SERGEF: variants seen among roughly 807,000 people sequenced by gnomAD.
The protein encoded by SERGEF is secretion regulating guanine nucleotide exchange factor, also known as secretion-regulating guanine nucleotide exchange factor.
A neutral mutation model predicts 50.0 loss-of-function variants in SERGEF; 51 were observed. That is an observed-to-expected ratio of 1.02 (90% CI 0.81 to 1.29). The LOEUF is 1.29. SERGEF is among the 50% of genes most tolerant of loss of function. The pLI is 0.00. For synonymous variants in SERGEF, 205 were observed against 212.4 expected, an observed-to-expected ratio of 0.97 and a Z score of 0.30; for missense variants, 521 against 557.0, an observed-to-expected ratio of 0.94 and a Z score of 0.65.
chr11:17,993,745 G>T (rs1055450820), intron 6 of SERGEF, among the ~76,000 whole-genome samples: 10 of 152,174 alleles, frequency 6.6e-5, no homozygotes, highest in African/African-American at 2.4e-4. Flanking sequence ...GGACAAAGCA[G>T]ATGTTTTCAC....
intron 9 of SERGEF, among the ~76,000 whole-genome samples, chr11:17,940,532 C>T (rs1852542293): frequency 1.3e-5 from 2 of 152,126 alleles, no homozygotes; most frequent in African/African-American, 4.8e-5. Context: ...TGTCAGTTTC[C>T]CATGCTCTGC....
At chr11:17,866,131 C>A (rs756028276) in intron 10 of SERGEF, among the ~76,000 whole-genome samples, 12 of 152,232 alleles carry the variant, frequency 7.9e-5, no homozygotes, top group African/African-American at 1.2e-4. Flanking sequence ...GCTCAAGCAA[C>A]CACTTGAGAA....
chr11:17,834,156 G>A (rs572990736), intron 10 of SERGEF, among the ~76,000 whole-genome samples: 44 of 152,244 alleles, frequency 2.9e-4, no homozygotes, highest in Non-Finnish European at 4.6e-4. Flanking sequence ...AATCAGGGGG[G>A]CAAGTCTTTC....
At chr11:17,995,657 C>A (rs1023532555) in intron 6 of SERGEF, 139 bp downstream of exon 6, 9 of 641,584 alleles carry the variant, frequency 1.4e-5, no homozygotes, top group Non-Finnish European at 1.9e-5. Context: ...GCCAGCAAGA[C>A]TAACAGACCA....
At position 17,931,760 on chromosome 11, in the gene SERGEF, A is replaced by G. The variant is rs151197763; in HGVS notation, c.1011+27710T>C. Among the ~76,000 whole-genome samples the G allele has an allele frequency of 1.1e-4, 16 of 152,324 alleles. No individual in the cohort carries two copies. The East Asian group carries it at 3.1e-3, about 29-fold the overall frequency. ...GCTGTGGTTCTCAAAGCATAGTCCCAGACCTTAAGTATCAACACCACCTGG... is the reference window on the plus strand; with the variant it reads ...GCTGTGGTTCTCAAAGCATAGTCCCGGACCTTAAGTATCAACACCACCTGG... On this transcript the variant is annotated intron_variant, in intron 9 of 10. Coordinates refer to ENST00000265965, the MANE Select transcript of SERGEF (RefSeq NM_012139.4).
chr11:17,984,840 G>A (rs1480078039), intron 8 of SERGEF, among the ~76,000 whole-genome samples: 1 of 152,176 alleles, frequency 6.6e-6, no homozygotes, highest in Non-Finnish European at 1.5e-5. Context: ...CATCTGTTAT[G>A]TATCAGGCCT....
At chr11:17,792,620 G>A (rs992396248) in intron 10 of SERGEF, among the ~76,000 whole-genome samples, 5 of 152,190 alleles carry the variant, frequency 3.3e-5, no homozygotes, top group East Asian at 1.9e-4. Flanking sequence ...ATATCCCCCC[G>A]CAGTACTTCC....
At chr11:17,925,204 GAT>G in intron 9 of SERGEF, among the ~76,000 whole-genome samples, 1 of 149,854 alleles carries the variant, frequency 6.7e-6, no homozygotes, top group South Asian at 2.2e-4. Flanking sequence ...CCACGAAAGA[GAT>G]ACAGTAACCC....
At position 17,788,374 on chromosome 11, in the gene SERGEF, A is replaced by G; in HGVS notation, c.1088T>C (p.Met363Thr). Residue 363 changes from methionine to threonine, a missense_variant, in exon 11 of 11, where the codon ATG becomes ACG. Physicochemically the swap from Met to Thr is moderately conservative, Grantham distance 81. Coordinates refer to ENST00000265965, the MANE Select transcript of SERGEF (RefSeq NM_012139.4). ...CYSWGWNEHG[M>T]CGDGTEANVW... Reference sequence around the variant, plus strand: ...GTTGGCTTCAGTGCCATCTCCGCACATGCCATGCTCATTCCAGCCCCAAGA... The same window carrying G: ...GTTGGCTTCAGTGCCATCTCCGCACGTGCCATGCTCATTCCAGCCCCAAGA... 6.2e-7 allele frequency: 1 copy of G among 1,613,456 alleles called. No homozygotes were observed. The highest frequency in any genetic ancestry group is 8.5e-7 in the Non-Finnish European group (1 of 1,179,500).
At chr11:17,914,574 G>A (rs540930829) in intron 9 of SERGEF, among the ~76,000 whole-genome samples, 1 of 151,970 alleles carries the variant, frequency 6.6e-6, no homozygotes, top group Non-Finnish European at 1.5e-5. Flanking sequence ...ATGTACTACT[G>A]CCCTCAGCTA....
At chr11:17,995,987 T>C in intron 5 of SERGEF, 78 bp from the exon 6 acceptor site, 1 of 950,952 alleles carries the variant, frequency 1.1e-6, no homozygotes, top group Non-Finnish European at 1.7e-6. Flanking sequence ...ACCTCACTGC[T>C]ATGAGAAATT....
chr11:17,937,678 A>G (rs1040784328), intron 9 of SERGEF, among the ~76,000 whole-genome samples: 12 of 152,208 alleles, frequency 7.9e-5, no homozygotes, highest in South Asian at 4.1e-4. Context: ...GAAATTTAAT[A>G]TTATTTTTAA....
intron 8 of SERGEF, among the ~76,000 whole-genome samples, chr11:17,971,167 C>T (rs1326249780): frequency 6.6e-6 from 1 of 151,964 alleles, no homozygotes; most frequent in East Asian, 1.9e-4. Context: ...GCACTCCAGG[C>T]TGGGCGACGC....
intron 10 of SERGEF, among the ~76,000 whole-genome samples, chr11:17,806,322 T>G (rs1849757608): frequency 1.3e-5 from 2 of 152,268 alleles, no homozygotes; most frequent in Admixed American, 6.5e-5. Context: ...TCCATTTATG[T>G]GGAAAATAAC....
intron 1 of SERGEF, among the ~76,000 whole-genome samples, chr11:18,011,821 C>T (rs950585591): frequency 6.6e-6 from 1 of 152,158 alleles, no homozygotes; most frequent in South Asian, 2.1e-4. Flanking sequence ...AGCTCCCGGG[C>T]CACCTCAAAG....
intron 8 of SERGEF, among the ~76,000 whole-genome samples, chr11:17,980,213 T>G (rs1405992074): frequency 2.0e-5 from 3 of 152,084 alleles, no homozygotes; most frequent in Admixed American, 1.3e-4. Flanking sequence ...GACCTCCAAC[T>G]CCCCTCTTCA....
At chr11:17,970,486 C>T (rs1318081786) in intron 8 of SERGEF, among the ~76,000 whole-genome samples, 1 of 152,138 alleles carries the variant, frequency 6.6e-6, no homozygotes, top group Admixed American at 6.5e-5. Flanking sequence ...CCTACCATGG[C>T]CTCTAAGTAT....
At chr11:17,959,674 A>C in intron 8 of SERGEF, 38 bp from the exon 9 acceptor site, 1 of 1,561,346 alleles carries the variant, frequency 6.4e-7, no homozygotes, top group Non-Finnish European at 8.7e-7. Flanking sequence ...ACTACATTCC[A>C]CAGCTGTGCT....
At chr11:17,866,812 C>T (rs1385734091) in intron 10 of SERGEF, 2 of 152,214 alleles carry the variant, frequency 1.3e-5, no homozygotes, top group Non-Finnish European at 2.9e-5. Flanking sequence ...GTTGGGGAGG[C>T]CTCACAATCG....
Sources: gnomAD v4.1 joint callset for allele counts (sites outside exome capture counted in the v4.1 genomes callset) on GRCh38, gnomAD v4.1.1 for gene constraint, MANE v1.5 for transcripts, NCBI Gene and HGNC (gene_info 2026-07-23, HGNC 2026-07-21) for gene names.